BCAS3: variants seen among roughly 807,000 people sequenced by gnomAD.
The protein encoded by BCAS3 is BCAS4/BCAS3 fusion.
Under a neutral mutation model 116.1 loss-of-function variants are expected in BCAS3, and 53 were observed. The ratio of observed to expected loss-of-function variants is 0.46; its 90% CI spans 0.37 to 0.57. The LOEUF (loss-of-function observed/expected upper bound fraction) is 0.57, where lower values mean the gene tolerates loss of function less well. Among genes scored for constraint, BCAS3 ranks in the 20% least tolerant of loss-of-function variants. The probability of loss-of-function intolerance (pLI) is 0.00; values close to 1 mark genes in which losing one functional copy is unlikely to be tolerated. For synonymous variants in BCAS3, 391 were observed against 408.2 expected, an observed-to-expected ratio of 0.96 and a Z score of 0.51; for missense variants, 917 against 1,165.4, an observed-to-expected ratio of 0.79 and a Z score of 3.10.
intron 14 of BCAS3, among the ~76,000 whole-genome samples, chr17:60,987,300 T>C (rs532995234): frequency 6.6e-6 from 1 of 151,330 alleles, no homozygotes; most frequent in South Asian, 2.1e-4. Context: ...TTCTTTTTGC[T>C]CAGGATAGCT....
At chr17:61,045,953 AAAT>A (rs1201336209) in intron 19 of BCAS3, among the ~76,000 whole-genome samples, 156 of 12,744 alleles carry the variant, frequency 0.012, 4 homozygotes, top group Non-Finnish European at 0.014. Flanking sequence ...TTATATATAT[AAAT>A]ATATATATAA....
chr17:60,721,025 T>C (rs901471818), intron 5 of BCAS3, among the ~76,000 whole-genome samples: 1 of 152,206 alleles, frequency 6.6e-6, no homozygotes, highest in South Asian at 2.1e-4. Context: ...GTGTAGTTTT[T>C]ATACACTAAA....
intron 22 of BCAS3, among the ~76,000 whole-genome samples, chr17:61,101,158 C>A (rs921017140): frequency 7.2e-5 from 11 of 152,232 alleles, no homozygotes; most frequent in African/African-American, 2.6e-4. Flanking sequence ...TTTTAAAAGA[C>A]CATTGGCAAA....
intron 15 of BCAS3, among the ~76,000 whole-genome samples, chr17:61,000,641 C>T (rs571152372): frequency 1.2e-4 from 19 of 152,036 alleles, no homozygotes; most frequent in South Asian, 2.1e-4. Flanking sequence ...ATTCATTTTT[C>T]GTATTTTGGT....
At chr17:61,274,312 A>G (rs377021657) in intron 22 of BCAS3, among the ~76,000 whole-genome samples, 1 of 133,442 alleles carries the variant, frequency 7.5e-6, no homozygotes. Context: ...TTTTTGAGAC[A>G]AGTTCTCAGT....
At chr17:60,689,787 G>T (rs372481294) in intron 4 of BCAS3, 26 bp downstream of exon 4, 17 of 1,490,868 alleles carry the variant, frequency 1.1e-5, no homozygotes, top group Non-Finnish European at 1.4e-5. Flanking sequence ...TTTTTGGGAC[G>T]TGTGAATTAA....
chr17:60,814,302 T>TGCGCGCGCGCGCGC (rs58998607), intron 7 of BCAS3, among the ~76,000 whole-genome samples: 5 of 138,752 alleles, frequency 3.6e-5, no homozygotes, highest in African/African-American at 1.5e-4. Flanking sequence ...TGTGTGTGTG[T>TGCGCGCGCGCGCGC]GTGTGCGCGC....
At chr17:61,191,724 G>A (rs757339938) in intron 22 of BCAS3, among the ~76,000 whole-genome samples, 1 of 150,270 alleles carries the variant, frequency 6.7e-6, no homozygotes, top group South Asian at 2.1e-4. Context: ...GCTGTGAGCC[G>A]AGATCGCACC....
intron 14 of BCAS3, among the ~76,000 whole-genome samples, chr17:60,978,460 C>G (rs59017135): frequency 0.051 from 7,421 of 145,594 alleles, 617 homozygotes; most frequent in African/African-American, 0.18. Flanking sequence ...GTTGCCTGTT[C>G]ACTCTAATGG....
intron 22 of BCAS3, among the ~76,000 whole-genome samples, chr17:61,280,829 C>A (rs770772499): frequency 6.6e-6 from 1 of 152,142 alleles, no homozygotes; most frequent in African/African-American, 2.4e-5. Context: ...ATCATTTGGG[C>A]AGCAAAGATG....
chr17:61,033,137 A>G (rs1427925701), intron 16 of BCAS3, among the ~76,000 whole-genome samples: 1 of 152,116 alleles, frequency 6.6e-6, no homozygotes, highest in Non-Finnish European at 1.5e-5. Flanking sequence ...AAAAGTTAGT[A>G]TTTGCTGAGT....
At chr17:60,999,934 GTTCT>G (rs2064126539) in intron 15 of BCAS3, among the ~76,000 whole-genome samples, 2 of 151,972 alleles carry the variant, frequency 1.3e-5, no homozygotes, top group South Asian at 4.1e-4. Context: ...AAGGGATTGC[GTTCT>G]TTATTTGGTT....
At position 60,705,798 on chromosome 17, in the gene BCAS3, T is replaced by C. The variant is rs141559471; in HGVS notation, c.215-3421T>C. ...GACTGCTTTTGGCTTCTTTTAGACA[T>C]AGATCTTTCTATAATACTGGCACTG... is the stretch of plus-strand genomic sequence containing the variant. On this transcript the variant is annotated intron_variant, in intron 4 of 23. Transcript: ENST00000407086. Among the ~76,000 whole-genome samples, 331 of 152,304 alleles carry C rather than the reference T, an allele frequency of 2.2e-3. 5 individuals carry two copies. The highest frequency in any genetic ancestry group is 1.8e-4 in the Non-Finnish European group (12 of 68,026).
chr17:60,943,238 A>G (rs758672810), intron 13 of BCAS3, among the ~76,000 whole-genome samples: 5 of 152,162 alleles, frequency 3.3e-5, no homozygotes, highest in Non-Finnish European at 5.9e-5. Flanking sequence ...TGGTAGACCT[A>G]AGTCCAGCCC....
intron 22 of BCAS3, among the ~76,000 whole-genome samples, chr17:61,170,270 T>C (rs2078760777): frequency 6.6e-6 from 1 of 151,442 alleles, no homozygotes; most frequent in African/African-American, 2.4e-5. Context: ...TGATATGATG[T>C]AATGGTTTTT....
At chr17:60,747,322 T>A in intron 6 of BCAS3, 43 bp downstream of exon 6, 1 of 1,498,080 alleles carries the variant, frequency 6.7e-7, no homozygotes, top group Non-Finnish European at 9.3e-7. Context: ...GAAAAGAGTT[T>A]CTCTTTTGTT....
intron 22 of BCAS3, among the ~76,000 whole-genome samples, chr17:61,360,149 G>A (rs1468086324): frequency 2.6e-5 from 4 of 151,874 alleles, no homozygotes; most frequent in East Asian, 3.9e-4. Context: ...GACTACAGAT[G>A]CACGCCACCA....
At chr17:61,059,727 T>G (rs1307207536) in intron 19 of BCAS3, among the ~76,000 whole-genome samples, 1 of 152,244 alleles carries the variant, frequency 6.6e-6, no homozygotes, top group East Asian at 1.9e-4. Flanking sequence ...TTCAAAGCTA[T>G]AGAAAGAAAT....
chr17:60,718,324 C>T (rs1303809803), intron 5 of BCAS3, among the ~76,000 whole-genome samples: 1 of 151,996 alleles, frequency 6.6e-6, no homozygotes, highest in African/African-American at 2.4e-5. Context: ...GCCTACTGTA[C>T]TTTGTCTCAC....
Sources: gnomAD v4.1 joint callset for allele counts (sites outside exome capture counted in the v4.1 genomes callset) on GRCh38, gnomAD v4.1.1 for gene constraint, MANE v1.5 for transcripts, NCBI Gene and HGNC (gene_info 2026-07-23, HGNC 2026-07-21) for gene names.